The following CPED1 variants were observed in gnomAD, a reference collection of about 807,000 sequenced individuals.
CPED1 encodes the protein cadherin like and PC-esterase domain containing 1, also known as cadherin-like and PC-esterase domain-containing protein 1.
In CPED1, 114 loss-of-function variants were observed where a neutral mutation model predicts 128.2. The observed-to-expected ratio is 0.89, with a 90% CI of 0.76 to 1.04. CPED1 has a LOEUF of 1.04. CPED1 is among the 50% of genes least tolerant of loss of function. The pLI, the probability that CPED1 is intolerant of heterozygous loss-of-function variation, is 0.00. For synonymous variants in CPED1, 462 were observed against 426.7 expected, an observed-to-expected ratio of 1.08 and a Z score of -1.02; for missense variants, 1,211 against 1,207.1, an observed-to-expected ratio of 1.00 and a Z score of -0.05.
At chr7:121,094,581 T>C (rs1729259994) in intron 5 of CPED1, among the ~76,000 whole-genome samples, 1 of 152,172 alleles carries the variant, frequency 6.6e-6, no homozygotes, top group Non-Finnish European at 1.5e-5. Flanking sequence ...CTTATTTGAG[T>C]GCTTATTTTA....
rs574573372 is a variant in CPED1 at position 121,291,887 on chromosome 7, A to G, written c.2869-3553A>G. 3.9e-5 allele frequency among the ~76,000 whole-genome samples: 6 copies of G among 152,306 alleles called. No individual in the cohort carries two copies. In the South Asian group the frequency reaches 1.2e-3, roughly 32 times the overall value. ...CATCTTTGTCTTGTGCTGGTTTTCA[A>G]AGTGAATGCTTCTAGCTTTTGCCCA... On this transcript the variant is annotated intron_variant, in intron 22 of 22. Coordinates refer to ENST00000310396, the MANE Select transcript of CPED1 (RefSeq NM_024913.5).
chr7:121,171,430 T>A (rs1796646945), intron 16 of CPED1, among the ~76,000 whole-genome samples: 1 of 152,214 alleles, frequency 6.6e-6, no homozygotes, highest in Non-Finnish European at 1.5e-5. Context: ...TAAAAATAGC[T>A]GTATCTTCAT....
intron 4 of CPED1, among the ~76,000 whole-genome samples, chr7:121,047,957 C>T (rs980872007): frequency 6.6e-6 from 1 of 152,006 alleles, no homozygotes; most frequent in African/African-American, 2.4e-5. Flanking sequence ...CCGCCCGCTT[C>T]GGCCTCCCAA....
At chr7:121,027,953 G>T (rs1331756012) in intron 3 of CPED1, among the ~76,000 whole-genome samples, 1 of 152,028 alleles carries the variant, frequency 6.6e-6, no homozygotes, top group Non-Finnish European at 1.5e-5. Context: ...GAGGAGAGCA[G>T]AGGCGACTCT....
intron 2 of CPED1, among the ~76,000 whole-genome samples, chr7:121,003,797 G>A (rs1791930333): frequency 6.6e-6 from 1 of 152,154 alleles, no homozygotes; most frequent in Admixed American, 6.6e-5. Context: ...TGTCTCAAAG[G>A]AGAGCCAAGG....
intron 5 of CPED1, among the ~76,000 whole-genome samples, chr7:121,074,351 T>C (rs898490435): frequency 1.3e-5 from 2 of 152,046 alleles, no homozygotes; most frequent in African/African-American, 4.8e-5. Context: ...CAGCTGGCAT[T>C]TATCTTTGCC....
At chr7:121,274,635 C>T (rs761226896) in intron 22 of CPED1, among the ~76,000 whole-genome samples, 4 of 152,088 alleles carry the variant, frequency 2.6e-5, no homozygotes, top group Non-Finnish European at 4.4e-5. Context: ...ATCATAAAGT[C>T]GCTAAATTCA....
At chr7:120,992,108 G>A (rs529764286) in intron 2 of CPED1, among the ~76,000 whole-genome samples, 4 of 152,150 alleles carry the variant, frequency 2.6e-5, no homozygotes, top group African/African-American at 7.2e-5. Flanking sequence ...AAAATGAAGA[G>A]AGAAAGCTTT....
Position 121,277,788 on chromosome 7 carries a change from A to T in CPED1, c.2868+6358A>T, listed in dbSNP as rs143475114. Among the ~76,000 whole-genome samples the T allele has an allele frequency of 2.3e-3, 354 of 152,278 alleles. 2 individuals carry two copies. The highest frequency in any genetic ancestry group is 7.7e-3 in the African/African-American group (321 of 41,572). ...AATACGTCATCCAGAGAAAGTGAGT[A>T]GAGTGGCTGAGAAAGAAACTCCTGG... On this transcript the variant is annotated intron_variant, in intron 22 of 22. Transcript: ENST00000310396.
At chr7:121,129,826 A>G (rs182309909) in intron 11 of CPED1, among the ~76,000 whole-genome samples, 18 of 151,478 alleles carry the variant, frequency 1.2e-4, no homozygotes, top group Admixed American at 1.2e-3. Context: ...CTGCTGCCTA[A>G]CTCTGTTATT....
At chr7:121,057,287 T>C (rs1230580225) in intron 4 of CPED1, among the ~76,000 whole-genome samples, 3 of 152,178 alleles carry the variant, frequency 2.0e-5, no homozygotes, top group Non-Finnish European at 4.4e-5. Flanking sequence ...CTCTAATTTT[T>C]ATAATAATTT....
chr7:121,093,150 A>G (rs897557410), intron 5 of CPED1, among the ~76,000 whole-genome samples: 3 of 152,144 alleles, frequency 2.0e-5, no homozygotes, highest in Non-Finnish European at 4.4e-5. Flanking sequence ...ACCTACTGAC[A>G]TTCTAGACAC....
intron 16 of CPED1, among the ~76,000 whole-genome samples, chr7:121,194,516 C>T (rs957179512): frequency 2.0e-4 from 31 of 151,826 alleles, no homozygotes; most frequent in African/African-American, 6.5e-4. Context: ...TCAAGACTAA[C>T]GGATGATTAT....
At chr7:121,142,556 C>T (rs192884913) in intron 16 of CPED1, among the ~76,000 whole-genome samples, 4 of 152,114 alleles carry the variant, frequency 2.6e-5, no homozygotes, top group Admixed American at 6.6e-5. Context: ...AGCTATTTTA[C>T]AAGACGGATA....
chr7:121,267,663 G>A (rs1792156131), intron 21 of CPED1, among the ~76,000 whole-genome samples: 1 of 152,008 alleles, frequency 6.6e-6, no homozygotes, highest in Non-Finnish European at 1.5e-5. Flanking sequence ...AATGAAAACA[G>A]TAGGGGTCTC....
intron 7 of CPED1, among the ~76,000 whole-genome samples, chr7:121,121,760 G>A (rs118082936): frequency 0.015 from 2,216 of 152,266 alleles, 32 homozygotes; most frequent in Non-Finnish European, 0.023. Flanking sequence ...GGGTGAAATT[G>A]TTCAGGTTCT....
intron 18 of CPED1, chr7:121,261,958 T>C: frequency 2.3e-6 from 1 of 430,648 alleles, no homozygotes; most frequent in Non-Finnish European, 4.2e-6. Flanking sequence ...AAGTCTCATG[T>C]TGAAATGTGA....
chr7:121,179,777 G>T (rs1796860723), intron 16 of CPED1, among the ~76,000 whole-genome samples: 1 of 152,000 alleles, frequency 6.6e-6, no homozygotes, highest in South Asian at 2.1e-4. Flanking sequence ...CCCCAAAGTA[G>T]TAAGGGAAGT....
chr7:121,046,895 G>A lies in CPED1; in HGVS notation c.442G>A (p.Gly148Ser), dbSNP rs755611107. The change falls in exon 4 of 23, where the codon GGC becomes AGC. Residue 148 changes from glycine to serine, a missense_variant. Transcript: ENST00000310396. Reference protein sequence around the residue: ...GPGLLEQGDLGSWDLLICLSS... With the variant: ...GPGLLEQGDLSSWDLLICLSS... ...TATTCTTTTGCTTTTAGGTGATCTGGGCTCTTGGGATCTGCTCATTTGCCT... is the reference window on the plus strand; with the variant it reads ...TATTCTTTTGCTTTTAGGTGATCTGAGCTCTTGGGATCTGCTCATTTGCCT... The A allele has an allele frequency of 1.9e-6, 3 of 1,608,606 alleles. No individual in the cohort carries two copies. The highest frequency in any genetic ancestry group is 1.7e-6 in the Non-Finnish European group (2 of 1,176,350).
Sources: allele counts gnomAD v4.1 joint callset (sites outside exome capture counted in the v4.1 genomes callset), GRCh38; gene constraint gnomAD v4.1.1; transcripts MANE v1.5; gene names NCBI Gene and HGNC (gene_info 2026-07-23, HGNC 2026-07-21).